DCC: variants seen among roughly 807,000 people sequenced by gnomAD.
DCC encodes DCC netrin 1 receptor.
Under a neutral mutation model 172.5 loss-of-function variants are expected in DCC, and 58 were observed. The observed-to-expected ratio is 0.34, with a 90% CI of 0.27 to 0.42. The LOEUF (loss-of-function observed/expected upper bound fraction) is 0.42, where lower values mean the gene tolerates loss of function less well. DCC is among the 10% of genes least tolerant of loss of function. DCC has a pLI of 1.00. For missense variants in DCC, 1,740 were observed against 1,791.0 expected, an observed-to-expected ratio of 0.97 and a Z score of 0.51; for synonymous variants, 709 against 644.5, an observed-to-expected ratio of 1.10 and a Z score of -1.52.
chr18:53,467,818 G>A, intron 24 of DCC, 76 bp from the exon 25 acceptor site: 1 of 808,068 alleles, frequency 1.2e-6, no homozygotes, highest in Admixed American at 1.7e-5. Flanking sequence ...AAAAGGCATT[G>A]GAATGCCTGC....
At chr18:52,998,065 C>A (rs1599013251) in intron 5 of DCC, among the ~76,000 whole-genome samples, 2 of 152,006 alleles carry the variant, frequency 1.3e-5, no homozygotes, top group South Asian at 4.2e-4. Flanking sequence ...AATGCAGTAG[C>A]CGTTATCTGC....
At chr18:52,935,472 G>T (rs544164477) in intron 5 of DCC, among the ~76,000 whole-genome samples, 2 of 152,110 alleles carry the variant, frequency 1.3e-5, no homozygotes, top group Non-Finnish European at 2.9e-5. Context: ...AAACAAGCAT[G>T]TATATCTTCA....
At chr18:53,354,008 C>G (rs190420889) in intron 15 of DCC, among the ~76,000 whole-genome samples, 5 of 152,080 alleles carry the variant, frequency 3.3e-5, no homozygotes, top group African/African-American at 4.8e-5. Context: ...TGAGAACATG[C>G]GGTGTTTGGT....
chr18:53,266,260 C>T (rs1228419336), intron 12 of DCC, among the ~76,000 whole-genome samples: 1 of 152,172 alleles, frequency 6.6e-6, no homozygotes, highest in South Asian at 2.1e-4. Context: ...GTCCTAGGGA[C>T]ACTGCTATTT....
intron 1 of DCC, among the ~76,000 whole-genome samples, chr18:52,601,298 C>G (rs779382383): frequency 2.6e-5 from 4 of 151,978 alleles, no homozygotes; most frequent in Non-Finnish European, 5.9e-5. Flanking sequence ...ATCATAAATT[C>G]AAATTTCTAT....
chr18:53,176,965 G>T (rs924310145), intron 8 of DCC, among the ~76,000 whole-genome samples: 3 of 151,854 alleles, frequency 2.0e-5, no homozygotes, highest in Admixed American at 2.0e-4. Flanking sequence ...TTAAGAAAAT[G>T]TGGCACATAT....
chr18:53,060,447 T>C (rs963090238), intron 5 of DCC, among the ~76,000 whole-genome samples: 3 of 152,086 alleles, frequency 2.0e-5, no homozygotes, highest in Non-Finnish European at 4.4e-5. Context: ...AGAATCTGAA[T>C]AGAAATAAAG....
intron 12 of DCC, among the ~76,000 whole-genome samples, chr18:53,256,006 G>A (rs979875741): frequency 5.9e-5 from 9 of 152,178 alleles, no homozygotes; most frequent in Non-Finnish European, 1.3e-4. Context: ...CTGAATAAAT[G>A]TCTTCTTTTG....
chr18:52,807,063 C>T (rs555879058), intron 2 of DCC, among the ~76,000 whole-genome samples: 48 of 152,210 alleles, frequency 3.2e-4, no homozygotes, highest in Admixed American at 1.5e-3. Flanking sequence ...GGCTTGGTGG[C>T]GCGTGCCTGT....
chr18:53,319,829 C>T (rs920237828), intron 13 of DCC, among the ~76,000 whole-genome samples: 3 of 151,284 alleles, frequency 2.0e-5, no homozygotes, highest in Admixed American at 6.6e-5. Flanking sequence ...AAATAGATTA[C>T]GGCAATATCT....
chr18:52,589,040 T>C (rs1362557557), intron 1 of DCC, among the ~76,000 whole-genome samples: 1 of 152,336 alleles, frequency 6.6e-6, no homozygotes, highest in East Asian at 1.9e-4. Flanking sequence ...GAAAAGTGCA[T>C]GCCCATAGAA....
intron 5 of DCC, among the ~76,000 whole-genome samples, chr18:53,047,192 C>T (rs2042249334): frequency 7.5e-6 from 1 of 134,074 alleles, no homozygotes; most frequent in Non-Finnish European, 1.6e-5. Flanking sequence ...AATGAATTCT[C>T]CTACTCCTTA....
At chr18:52,435,138 C>T (rs1202267516) in intron 1 of DCC, among the ~76,000 whole-genome samples, 1 of 152,168 alleles carries the variant, frequency 6.6e-6, no homozygotes, top group Non-Finnish European at 1.5e-5. Context: ...AATGCTGGTG[C>T]CTTTTCAATC....
chr18:53,085,027 A>G (rs1350654290), intron 7 of DCC, among the ~76,000 whole-genome samples: 1 of 152,224 alleles, frequency 6.6e-6, no homozygotes, highest in East Asian at 1.9e-4. Flanking sequence ...CATAGTTCTT[A>G]CTACAAGCAT....
rs762398176 is a variant in DCC at position 52,752,304 on chromosome 18, T to C, written c.342T>C (p.Leu114=). 1 of 1,614,168 alleles carries C rather than the reference T, an allele frequency of 6.2e-7. No homozygotes were observed. Among genetic ancestry groups the C allele is most frequent in the Non-Finnish European group, 8.5e-7 (1 of 1,180,026 alleles). The change falls in exon 2 of 29, where the codon CTT becomes CTC. Residue 114 remains leucine, a synonymous_variant. Coordinates refer to ENST00000442544, the MANE Select transcript of DCC (RefSeq NM_005215.4). The stretch of plus-strand genomic sequence containing the variant: ...GACACCACAAGCCAGATGAGGGACT[T>C]TACCAATGTGAGGCATCTTTAGGAG... ...HSRHHKPDEG[L]YQCEASLGDS... is the part of the protein sequence containing the mutation.
At chr18:52,526,964 T>TC in intron 1 of DCC, among the ~76,000 whole-genome samples, 1 of 152,154 alleles carries the variant, frequency 6.6e-6, no homozygotes, top group African/African-American at 2.4e-5. Flanking sequence ...CAGGTGGTGT[T>TC]TAAATATCCA....
chr18:53,036,334 ACTTT>A (rs1355506365), intron 5 of DCC, among the ~76,000 whole-genome samples: 1 of 152,038 alleles, frequency 6.6e-6, no homozygotes, highest in African/African-American at 2.4e-5. Flanking sequence ...CAAAATTTGC[ACTTT>A]CTTATATGTG....
chr18:53,380,956 C>T (rs890415340), intron 15 of DCC, among the ~76,000 whole-genome samples: 4 of 152,092 alleles, frequency 2.6e-5, no homozygotes, highest in Non-Finnish European at 5.9e-5. Flanking sequence ...ATTCATTAAT[C>T]CAACAGAGAG....
At chr18:52,668,639 G>GA (rs1352577905) in intron 1 of DCC, among the ~76,000 whole-genome samples, 1 of 152,204 alleles carries the variant, frequency 6.6e-6, no homozygotes, top group East Asian at 1.9e-4. Flanking sequence ...AGCCATCTTT[G>GA]ATGGAAGAGC....
Sources: gnomAD v4.1 joint callset for allele counts (sites outside exome capture counted in the v4.1 genomes callset) on GRCh38, gnomAD v4.1.1 for gene constraint, MANE v1.5 for transcripts, NCBI Gene and HGNC (gene_info 2026-07-23, HGNC 2026-07-21) for gene names.